The following PTPN4 variants were observed in gnomAD, a reference collection of about 807,000 sequenced individuals.
The protein encoded by PTPN4 is protein tyrosine phosphatase non-receptor type 4.
Under a neutral mutation model 135.5 loss-of-function variants are expected in PTPN4, and 49 were observed. The observed-to-expected ratio is 0.36, with a 90% CI of 0.29 to 0.46. The LOEUF (loss-of-function observed/expected upper bound fraction) is 0.46, where lower values mean the gene tolerates loss of function less well. Ranked by LOEUF, PTPN4 falls within the 20% of genes least tolerant of loss-of-function variation. The probability of loss-of-function intolerance (pLI) is 1.00; values close to 1 mark genes in which losing one functional copy is unlikely to be tolerated. For missense variants in PTPN4, 860 were observed against 1,101.0 expected (o/e 0.78, Z 3.10); for synonymous variants, 333 against 369.9 (o/e 0.90, Z 1.14).
chr2:119,977,130 C>T lies in PTPN4; in HGVS notation c.*60C>T. 6.8e-7 allele frequency: 1 copy of T among 1,472,776 alleles called. No individual in the cohort carries two copies. The highest frequency in any genetic ancestry group is 2.5e-5 in the East Asian group (1 of 39,546). 91.2% of individuals were successfully genotyped at this position (1,472,776 alleles called of 1,614,324 possible). On this transcript the variant is annotated 3_prime_UTR_variant, in exon 27 of 27. Coordinates refer to ENST00000263708, the MANE Select transcript of PTPN4 (RefSeq NM_002830.4). Reference sequence around the variant, plus strand: ...CTGCTTTCCCTTATGTTCACTGTGCCATAATGCTGCTCGCAGGAAATGGCA... The same window carrying T: ...CTGCTTTCCCTTATGTTCACTGTGCTATAATGCTGCTCGCAGGAAATGGCA...
At chr2:119,786,652 A>G (rs1691053549) in intron 1 of PTPN4, among the ~76,000 whole-genome samples, 1 of 152,142 alleles carries the variant, frequency 6.6e-6, no homozygotes, top group African/African-American at 2.4e-5. Flanking sequence ...ACCCAGTAAA[A>G]ATTGTATCTC....
chr2:119,943,948 A>G (rs1679098274), intron 15 of PTPN4, among the ~76,000 whole-genome samples: 1 of 151,856 alleles, frequency 6.6e-6, no homozygotes, highest in Admixed American at 6.6e-5. Context: ...TTCTACCCAC[A>G]TGTCATTGGC....
intron 2 of PTPN4, among the ~76,000 whole-genome samples, chr2:119,817,171 C>T (rs1189499192): frequency 6.6e-6 from 1 of 152,058 alleles, no homozygotes; most frequent in Non-Finnish European, 1.5e-5. Flanking sequence ...AGGTTGTCTT[C>T]CAGGGTTTTT....
At chr2:119,861,489 G>C (rs1402832897) in intron 2 of PTPN4, among the ~76,000 whole-genome samples, 1 of 152,176 alleles carries the variant, frequency 6.6e-6, no homozygotes, top group African/African-American at 2.4e-5. Flanking sequence ...AGGTATAGAA[G>C]TTTCCTCCAG....
intron 2 of PTPN4, among the ~76,000 whole-genome samples, chr2:119,829,816 C>A (rs560473838): frequency 1.1e-3 from 168 of 152,216 alleles, no homozygotes; most frequent in Admixed American, 3.5e-3. Flanking sequence ...GTTTTCAATT[C>A]TTTGGAGTCT....
chr2:119,921,195 G>C (rs545610962), intron 12 of PTPN4, among the ~76,000 whole-genome samples: 29 of 152,182 alleles, frequency 1.9e-4, no homozygotes, highest in African/African-American at 6.7e-4. Flanking sequence ...GCTGAGGCAC[G>C]AGAATTGCTT....
chr2:119,932,518 C>G lies in PTPN4; in HGVS notation c.1165C>G (p.Pro389Ala). 5 of 1,611,894 alleles carry G rather than the reference C, an allele frequency of 3.1e-6. No individual in the cohort carries two copies. Among genetic ancestry groups the G allele is most frequent in the Non-Finnish European group, 3.4e-6 (4 of 1,178,602 alleles). ...SDDRLETQSL[P>A]SRSPPGTPNH... ...TGACAGGTTAGAAACACAAAGTCTTCCATCACGATCTCCACCGGGAACTCC... is the reference window on the plus strand; with the variant it reads ...TGACAGGTTAGAAACACAAAGTCTTGCATCACGATCTCCACCGGGAACTCC... Residue 389 changes from proline (P) to alanine (A), a missense_variant, in exon 14 of 27, where the codon CCA becomes GCA. By Grantham distance (27) the Pro-to-Ala change is conservative. Transcript: ENST00000263708.
chr2:119,962,512 A>T (rs1260648213), intron 23 of PTPN4, 104 bp from the exon 24 acceptor site: 6 of 686,114 alleles, frequency 8.7e-6, no homozygotes, highest in Non-Finnish European at 1.2e-5. Flanking sequence ...TTTTCTTGTA[A>T]CTTTTATATG....
chr2:119,946,290 A>T, intron 16 of PTPN4, 51 bp from the exon 17 acceptor site: 1 of 1,366,510 alleles, frequency 7.3e-7, no homozygotes, highest in Non-Finnish European at 1.0e-6. Flanking sequence ...TATCTGAAGA[A>T]TAGATTTTAA....
At chr2:119,788,436 AAT>A (rs1691083479) in intron 1 of PTPN4, among the ~76,000 whole-genome samples, 1 of 152,208 alleles carries the variant, frequency 6.6e-6, no homozygotes, top group Non-Finnish European at 1.5e-5. Context: ...ATCGAGGTAA[AAT>A]ATGAATAGCA....
At chr2:119,969,431 G>A (rs1423468944) in intron 26 of PTPN4, among the ~76,000 whole-genome samples, 1 of 151,758 alleles carries the variant, frequency 6.6e-6, no homozygotes, top group Non-Finnish European at 1.5e-5. Context: ...CCCTGTATTT[G>A]AAGCAAATCC....
intron 3 of PTPN4, among the ~76,000 whole-genome samples, chr2:119,873,789 A>G (rs1293582734): frequency 6.6e-6 from 1 of 152,210 alleles, no homozygotes; most frequent in Non-Finnish European, 1.5e-5. Context: ...TAGCACAGTA[A>G]TCCAGCTAGT....
At chr2:119,856,278 A>G (rs770108424) in intron 2 of PTPN4, among the ~76,000 whole-genome samples, 1 of 152,140 alleles carries the variant, frequency 6.6e-6, no homozygotes, top group Non-Finnish European at 1.5e-5. Context: ...CAGCAGTTAC[A>G]AGTGTGATGT....
chr2:119,761,902 A>G (rs1179033032), intron 1 of PTPN4, among the ~76,000 whole-genome samples: 3 of 152,164 alleles, frequency 2.0e-5, no homozygotes, highest in African/African-American at 7.2e-5. Context: ...GTAGTAATAG[A>G]CGAGGATGTG....
chr2:119,830,963 G>C (rs1244601683), intron 2 of PTPN4, among the ~76,000 whole-genome samples: 1 of 152,094 alleles, frequency 6.6e-6, no homozygotes, highest in Non-Finnish European at 1.5e-5. Context: ...TTTCTTTGTA[G>C]CAATATGAGA....
chr2:119,836,217 C>T (rs1275194549), intron 2 of PTPN4, among the ~76,000 whole-genome samples: 1 of 152,168 alleles, frequency 6.6e-6, no homozygotes, highest in Non-Finnish European at 1.5e-5. Context: ...ATGTGTATGA[C>T]GAATCAAGTT....
At chr2:119,842,260 A>G (rs1677392823) in intron 2 of PTPN4, among the ~76,000 whole-genome samples, 1 of 152,212 alleles carries the variant, frequency 6.6e-6, no homozygotes, top group Non-Finnish European at 1.5e-5. Context: ...TATAAGGTCT[A>G]CTAAATAACA....
At chr2:119,820,077 T>C (rs987738641) in intron 2 of PTPN4, among the ~76,000 whole-genome samples, 1 of 152,134 alleles carries the variant, frequency 6.6e-6, no homozygotes, top group African/African-American at 2.4e-5. Flanking sequence ...TTCAGGCTGG[T>C]CTCTAACTCC....
chr2:119,972,358 T>C (rs1358488237), intron 26 of PTPN4, among the ~76,000 whole-genome samples: 1 of 152,208 alleles, frequency 6.6e-6, no homozygotes, highest in Non-Finnish European at 1.5e-5. Flanking sequence ...CTTGCGTTTA[T>C]TTAAATTTAT....
Sources: allele counts gnomAD v4.1 joint callset (sites outside exome capture counted in the v4.1 genomes callset), GRCh38; gene constraint gnomAD v4.1.1; transcripts MANE v1.5; gene names NCBI Gene and HGNC (gene_info 2026-07-23, HGNC 2026-07-21).